Variants in EPHB1 observed in about 807,000 individuals in gnomAD.
The protein encoded by EPHB1 is ephrin type-B receptor 1.
A neutral mutation model predicts 94.4 loss-of-function variants in EPHB1; 30 were observed. That is an observed-to-expected ratio of 0.32 (90% CI 0.24 to 0.43). The LOEUF (loss-of-function observed/expected upper bound fraction) is 0.43, where lower values mean the gene tolerates loss of function less well. Among genes scored for constraint, EPHB1 ranks in the 20% least tolerant of loss-of-function variants. EPHB1 has a pLI of 1.00. For synonymous variants in EPHB1, 522 were observed against 489.1 expected (o/e 1.07, Z -0.89); for missense variants, 1,055 against 1,308.3 (o/e 0.81, Z 2.99).
At chr3:135,123,343 A>C (rs1286215829) in intron 4 of EPHB1, among the ~76,000 whole-genome samples, 1 of 152,234 alleles carries the variant, frequency 6.6e-6, no homozygotes, top group African/African-American at 2.4e-5. Context: ...ATTTATCAAT[A>C]AAAGAAAATT....
At chr3:134,987,473 T>A (rs535740378) in intron 3 of EPHB1, among the ~76,000 whole-genome samples, 23 of 152,230 alleles carry the variant, frequency 1.5e-4, no homozygotes, top group Non-Finnish European at 2.6e-4. Flanking sequence ...GAAAAGACCA[T>A]GTGAGGCCAG....
chr3:134,943,318 C>G (rs1418341371), intron 2 of EPHB1, among the ~76,000 whole-genome samples: 1 of 152,234 alleles, frequency 6.6e-6, no homozygotes. Flanking sequence ...TGGGCATGGG[C>G]TCTGTTGTCC....
rs779483443 is a variant in EPHB1, at chr3:135,106,572, G to A, written c.930G>A (p.Ala310=). 57 of 1,613,920 alleles carry A rather than the reference G, an allele frequency of 3.5e-5. No homozygotes were observed. Among genetic ancestry groups the A allele is most frequent in the Non-Finnish European group, 4.2e-5 (49 of 1,179,912 alleles). The change falls in exon 4 of 16, where the codon GCG becomes GCA. Residue 310 remains alanine, a synonymous_variant. Coordinates refer to ENST00000398015, the MANE Select transcript of EPHB1 (RefSeq NM_004441.5). ...CCTGTCGGACCGGTTATTACCGAGC[G>A]GACTTTGACCCTCCAGAAGTGGCAT... The part of the protein sequence containing the change: ...ICTCRTGYYR[A]DFDPPEVACT...
chr3:135,056,336 A>G (rs1034926524), intron 3 of EPHB1, among the ~76,000 whole-genome samples: 1 of 152,204 alleles, frequency 6.6e-6, no homozygotes, highest in East Asian at 1.9e-4. Context: ...AGGCTGCGTC[A>G]TCTCTCCATG....
chr3:135,205,735 G>A (rs1204910139), intron 12 of EPHB1, among the ~76,000 whole-genome samples: 6 of 151,966 alleles, frequency 3.9e-5, no homozygotes, highest in South Asian at 2.1e-4. Flanking sequence ...GTAACTATCC[G>A]TCTATCCATC....
chr3:135,028,191 AT>A (rs1305823690), intron 3 of EPHB1, among the ~76,000 whole-genome samples: 1 of 147,374 alleles, frequency 6.8e-6, no homozygotes, highest in African/African-American at 2.5e-5. Flanking sequence ...GGATTCACTA[AT>A]TTTTTGAAGG....
At chr3:135,041,595 C>A (rs1054789827) in intron 3 of EPHB1, among the ~76,000 whole-genome samples, 27 of 152,178 alleles carry the variant, frequency 1.8e-4, no homozygotes, top group African/African-American at 5.8e-4. Flanking sequence ...AGATTTGAGA[C>A]CCCAAATAGG....
chr3:134,833,103 G>C (rs1393276994), intron 1 of EPHB1, among the ~76,000 whole-genome samples: 1 of 152,196 alleles, frequency 6.6e-6, no homozygotes, highest in Non-Finnish European at 1.5e-5. Flanking sequence ...TCCCAGCCCT[G>C]TGTGCTCAAC....
At chr3:135,051,404 G>T (rs974167215) in intron 3 of EPHB1, among the ~76,000 whole-genome samples, 2 of 152,176 alleles carry the variant, frequency 1.3e-5, no homozygotes, top group Non-Finnish European at 2.9e-5. Context: ...AGGCACCAAG[G>T]TGATTATTTC....
chr3:134,914,715 G>A (rs542167508), intron 1 of EPHB1, among the ~76,000 whole-genome samples: 1 of 152,146 alleles, frequency 6.6e-6, no homozygotes, highest in African/African-American at 2.4e-5. Flanking sequence ...GTTTACAAAG[G>A]TTCACAGAGT....
At chr3:135,204,570 G>A (rs985433980) in intron 12 of EPHB1, among the ~76,000 whole-genome samples, 5 of 151,902 alleles carry the variant, frequency 3.3e-5, no homozygotes, top group Admixed American at 2.0e-4. Flanking sequence ...GTGCGATCTC[G>A]GCTCATTGCA....
chr3:134,996,897 G>A (rs909856797), intron 3 of EPHB1, among the ~76,000 whole-genome samples: 1 of 151,748 alleles, frequency 6.6e-6, no homozygotes, highest in African/African-American at 2.4e-5. Flanking sequence ...ATTTGTTTTA[G>A]GCCTGTAGTT....
intron 3 of EPHB1, among the ~76,000 whole-genome samples, chr3:135,083,513 GAAA>G (rs1938232981): frequency 1.3e-5 from 2 of 151,900 alleles, no homozygotes; most frequent in African/African-American, 4.8e-5. Context: ...TAGACAGGTT[GAAA>G]ATACAGAAGA....
intron 5 of EPHB1, 110 bp from the exon 6 acceptor site, chr3:135,154,042 A>T: frequency 7.0e-7 from 1 of 1,434,980 alleles, no homozygotes; most frequent in East Asian, 2.3e-5. Context: ...ATAAAGAAGG[A>T]GCAGAGTTCA....
At chr3:134,996,748 A>C (rs1224462123) in intron 3 of EPHB1, among the ~76,000 whole-genome samples, 1 of 152,006 alleles carries the variant, frequency 6.6e-6, no homozygotes, top group African/African-American at 2.4e-5. Flanking sequence ...GGATCTTAAA[A>C]ATTGATTGCC....
intron 4 of EPHB1, among the ~76,000 whole-genome samples, chr3:135,109,456 G>A (rs1191474768): frequency 6.6e-6 from 1 of 152,214 alleles, no homozygotes; most frequent in East Asian, 1.9e-4. Flanking sequence ...CACAGTGCCT[G>A]GTTCATAGTA....
chr3:134,924,149 G>C (rs960177560), intron 1 of EPHB1, among the ~76,000 whole-genome samples: 1 of 152,144 alleles, frequency 6.6e-6, no homozygotes, highest in Non-Finnish European at 1.5e-5. Flanking sequence ...TTGAACCATA[G>C]ACCTAGGTAG....
At chr3:135,222,080 T>C (rs1943288561) in intron 12 of EPHB1, among the ~76,000 whole-genome samples, 1 of 152,174 alleles carries the variant, frequency 6.6e-6, no homozygotes, top group Non-Finnish European at 1.5e-5. Context: ...AAATTTAAGA[T>C]CAAAATTTAA....
chr3:134,901,348 C>T (rs1294573714), intron 1 of EPHB1, among the ~76,000 whole-genome samples: 1 of 152,170 alleles, frequency 6.6e-6, no homozygotes, highest in Non-Finnish European at 1.5e-5. Flanking sequence ...CTCCTTCGCC[C>T]TTCTTATTTT....
Sources: gnomAD v4.1 joint callset for allele counts (sites outside exome capture counted in the v4.1 genomes callset) on GRCh38, gnomAD v4.1.1 for gene constraint, MANE v1.5 for transcripts, NCBI Gene and HGNC (gene_info 2026-07-23, HGNC 2026-07-21) for gene names.